Variants in MAST4 observed in about 807,000 individuals in gnomAD.
MAST4 encodes microtubule associated serine/threonine kinase family member 4.
In MAST4, 89 loss-of-function variants were observed where a neutral mutation model predicts 162.7. The observed-to-expected ratio is 0.55, with a 90% CI of 0.46 to 0.65. The LOEUF is 0.65. Ranked by LOEUF, MAST4 falls within the 30% of genes least tolerant of loss-of-function variation. The probability of loss-of-function intolerance (pLI) is 0.00; values close to 1 mark genes in which losing one functional copy is unlikely to be tolerated. For synonymous variants in MAST4, 1,479 were observed against 1,361.1 expected, an observed-to-expected ratio of 1.09 and a Z score of -1.91; for missense variants, 3,153 against 3,374.0, an observed-to-expected ratio of 0.93 and a Z score of 1.62.
rs775804542 is a variant in MAST4 at position 67,053,716 on chromosome 5, G to T, written c.675-688G>T. Among the ~76,000 whole-genome samples, 6 of 152,150 alleles carry T rather than the reference G, an allele frequency of 3.9e-5. No individual in the cohort carries two copies. The South Asian group carries it at 8.3e-4, about 21-fold the overall frequency. ...CTTCTAGCAGAAACAGGAACAAATT[G>T]TTGCCCTGTGCCCATGTGTAGTAAT... is the stretch of plus-strand genomic sequence containing the variant. On this transcript the variant is annotated intron_variant, in intron 4 of 28. Transcript: ENST00000403625.
intron 3 of MAST4, among the ~76,000 whole-genome samples, chr5:66,851,888 T>C (rs16895719): frequency 0.11 from 16,558 of 152,192 alleles, 1,051 homozygotes; most frequent in East Asian, 0.25. Flanking sequence ...TAGAGCTAGA[T>C]AGGTTTTGGA....
intron 18 of MAST4, among the ~76,000 whole-genome samples, chr5:67,135,956 T>C (rs181453476): frequency 1.3e-5 from 2 of 152,368 alleles, no homozygotes; most frequent in East Asian, 3.9e-4. Flanking sequence ...TATGACAGAT[T>C]TTAAATACTT....
chr5:66,689,204 A>G (rs550354130), intron 1 of MAST4, among the ~76,000 whole-genome samples: 11 of 152,088 alleles, frequency 7.2e-5, no homozygotes, highest in East Asian at 1.9e-4. Context: ...TGTGAAGACC[A>G]TTAATTGGCA....
intron 10 of MAST4, among the ~76,000 whole-genome samples, chr5:67,105,520 G>A (rs1184395552): frequency 6.6e-6 from 1 of 152,118 alleles, no homozygotes; most frequent in Non-Finnish European, 1.5e-5. Flanking sequence ...TTCTCACATT[G>A]CAACCAACTG....
At chr5:66,902,205 T>A (rs955154195) in intron 4 of MAST4, among the ~76,000 whole-genome samples, 2 of 152,208 alleles carry the variant, frequency 1.3e-5, no homozygotes, top group South Asian at 2.1e-4. Context: ...CATAGCGTGA[T>A]GTATTTCTTA....
chr5:67,111,055 A>G (rs960977327), intron 11 of MAST4, among the ~76,000 whole-genome samples: 3 of 152,122 alleles, frequency 2.0e-5, no homozygotes, highest in Admixed American at 6.5e-5. Context: ...TTAAAATTAT[A>G]TGTTTTTGGC....
intron 4 of MAST4, among the ~76,000 whole-genome samples, chr5:66,975,715 C>A (rs926538025): frequency 9.9e-5 from 15 of 152,104 alleles, no homozygotes; most frequent in Non-Finnish European, 2.1e-4. Flanking sequence ...CTGTTTAGGC[C>A]GGGCACGGTG....
At chr5:66,880,759 TG>T (rs1258281029) in intron 3 of MAST4, among the ~76,000 whole-genome samples, 6 of 152,326 alleles carry the variant, frequency 3.9e-5, no homozygotes, top group Non-Finnish European at 8.8e-5. Flanking sequence ...CGTGATGCTT[TG>T]TATAAGGTAT....
At chr5:67,154,192 G>A (rs1265366907) in intron 26 of MAST4, among the ~76,000 whole-genome samples, 2 of 152,198 alleles carry the variant, frequency 1.3e-5, no homozygotes, top group Non-Finnish European at 2.9e-5. Context: ...AAGCATGACT[G>A]TAAATGGAGA....
At chr5:66,766,900 T>C (rs1437320367) in intron 2 of MAST4, among the ~76,000 whole-genome samples, 1 of 152,176 alleles carries the variant, frequency 6.6e-6, no homozygotes, top group Non-Finnish European at 1.5e-5. Context: ...ACAATAGTAG[T>C]TTATTTCTTG....
At chr5:67,024,340 C>T (rs944581255) in intron 4 of MAST4, among the ~76,000 whole-genome samples, 207 of 142,658 alleles carry the variant, frequency 1.5e-3, no homozygotes, top group African/African-American at 5.7e-3. Flanking sequence ...TATATATACA[C>T]ACACACACAC....
intron 4 of MAST4, among the ~76,000 whole-genome samples, chr5:66,977,348 G>A (rs145540912): frequency 0.021 from 3,186 of 152,090 alleles, 99 homozygotes; most frequent in African/African-American, 0.07. Flanking sequence ...TGATCCACCC[G>A]CCTCAGTCTC....
At chr5:67,004,515 T>TATGCC (rs1375677730) in intron 4 of MAST4, 1 of 155,498 alleles carries the variant, frequency 6.4e-6, no homozygotes, top group Non-Finnish European at 1.4e-5. Flanking sequence ...GCACTGGGCA[T>TATGCC]GTTCGGATGT....
intron 4 of MAST4, among the ~76,000 whole-genome samples, chr5:66,993,047 C>T (rs1750226971): frequency 6.6e-6 from 1 of 152,172 alleles, no homozygotes; most frequent in Non-Finnish European, 1.5e-5. Flanking sequence ...TTACTTCAGC[C>T]ATACTTATTG....
At chr5:66,881,333 T>G (rs1466280053) in intron 3 of MAST4, among the ~76,000 whole-genome samples, 6 of 152,216 alleles carry the variant, frequency 3.9e-5, no homozygotes, top group Admixed American at 3.9e-4. Context: ...CGTGTAAAGA[T>G]CATACTCATT....
At chr5:66,678,776 A>C (rs939134605) in intron 1 of MAST4, among the ~76,000 whole-genome samples, 8 of 140,434 alleles carry the variant, frequency 5.7e-5, no homozygotes, top group East Asian at 2.1e-4. Flanking sequence ...ACAGGTGTGA[A>C]CCACCATGCC....
intron 11 of MAST4, among the ~76,000 whole-genome samples, chr5:67,112,408 G>A (rs568701349): frequency 1.4e-4 from 21 of 152,264 alleles, no homozygotes; most frequent in Admixed American, 5.2e-4. Context: ...CGCAGAGATA[G>A]CATTAGATTC....
intron 26 of MAST4, among the ~76,000 whole-genome samples, chr5:67,157,979 C>T (rs1006860840): frequency 6.6e-6 from 1 of 152,184 alleles, no homozygotes; most frequent in African/African-American, 2.4e-5. Flanking sequence ...GCTCTAGTGG[C>T]ACACATGGTA....
chr5:66,764,570 A>T (rs774092836), intron 2 of MAST4, among the ~76,000 whole-genome samples: 6 of 152,118 alleles, frequency 3.9e-5, no homozygotes, highest in Non-Finnish European at 7.4e-5. Context: ...TGTCTAGATG[A>T]TCCTGACTCT....
Sources: allele counts gnomAD v4.1 joint callset (sites outside exome capture counted in the v4.1 genomes callset), GRCh38; gene constraint gnomAD v4.1.1; transcripts MANE v1.5; gene names NCBI Gene and HGNC (gene_info 2026-07-23, HGNC 2026-07-21).